The following TARBP1 variants were observed in gnomAD, a reference collection of about 807,000 sequenced individuals.
TARBP1 encodes the protein tRNA guanosine 2 -O-methyltransferase TARBP1.
A neutral mutation model predicts 178.6 loss-of-function variants in TARBP1; 144 were observed. That is an observed-to-expected ratio of 0.81 (90% CI 0.70 to 0.93). TARBP1 has a LOEUF of 0.93. Ranked by LOEUF, TARBP1 falls within the 40% of genes least tolerant of loss-of-function variation. The probability of loss-of-function intolerance (pLI) is 0.00; values close to 1 mark genes in which losing one functional copy is unlikely to be tolerated. For synonymous variants in TARBP1, 787 were observed against 781.0 expected (o/e 1.01, Z -0.13); for missense variants, 2,067 against 2,011.7 (o/e 1.03, Z -0.53).
rs778918155 is a variant in TARBP1 at position 234,460,302 on chromosome 1, T to C, written c.1494A>G (p.Pro498=). 10 of 1,614,088 alleles carry C rather than the reference T, an allele frequency of 6.2e-6. No individual in the cohort carries two copies. The highest frequency in any genetic ancestry group is 7.6e-6 in the Non-Finnish European group (9 of 1,180,044). Reference sequence around the variant, plus strand: ...CATCTATACCCAGGGCCTTATGTCTTGGGACATTTGCCAAAGCCTTAGATA... The same window carrying C: ...CATCTATACCCAGGGCCTTATGTCTCGGGACATTTGCCAAAGCCTTAGATA... The part of the protein sequence containing the change: ...LFLSKALANV[P]RHKALGIDGL... Residue 498 remains proline, a synonymous_variant, in exon 7 of 30, where the codon CCA becomes CCG. Transcript: ENST00000040877.
intron 21 of TARBP1, 79 bp downstream of exon 21, chr1:234,420,623 G>T: frequency 1.2e-6 from 1 of 845,616 alleles, no homozygotes; most frequent in Non-Finnish European, 1.8e-6. Context: ...TTTTAAAATA[G>T]TATATGATAG....
chr1:234,451,905 C>T (rs1306802536), intron 9 of TARBP1, among the ~76,000 whole-genome samples: 1 of 152,072 alleles, frequency 6.6e-6, no homozygotes, highest in African/African-American at 2.4e-5. Context: ...ATATTATTGT[C>T]TAACAGTGAG....
Position 234,398,541 on chromosome 1 carries a change from T to C in TARBP1, c.4084A>G (p.Ile1362Val), listed in dbSNP as rs754962339. The change falls in exon 26 of 30, where the codon ATC becomes GTC. Residue 1362 changes from isoleucine (I) to valine (V), a missense_variant. Ile to Val is a conservative substitution (Grantham distance 29). Coordinates refer to ENST00000040877, the MANE Select transcript of TARBP1 (RefSeq NM_005646.4). The part of the protein sequence containing the change: ...KDYCLETIFY[I>V]LPRLSGLIED... ...ATAAGGCCTGAAAGGCGTGGAAGGA[T>C]GTAAAATATGGTCTGAAAAGAGAAT... 6.3e-7 allele frequency: 1 copy of C among 1,581,998 alleles called. No individual in the cohort carries two copies. Among genetic ancestry groups the C allele is most frequent in the Admixed American group, 1.7e-5 (1 of 58,170 alleles).
Position 234,429,162 on chromosome 1 carries a change from C to T in TARBP1, c.3034G>A (p.Gly1012Ser), listed in dbSNP as rs1664116557. 4 of 1,584,206 alleles carry T rather than the reference C, an allele frequency of 2.5e-6. No homozygotes were observed. The highest frequency in any genetic ancestry group is 2.0e-5 in the Admixed American group (1 of 49,992). The part of the protein sequence containing the change: ...KVLTIAAKIK[G>S]QAYFKIKEIM... ...TCTTTTATTTTGAAATATGCCTGGC[C>T]CTTGATTTTGGCAGCAATGGTAAGA... is the stretch of plus-strand genomic sequence containing the variant. Residue 1012 changes from glycine to serine, a missense_variant, in exon 17 of 30, where the codon GGC becomes AGC. By Grantham distance (56) the Gly-to-Ser change is moderately conservative. Transcript: ENST00000040877.
At chr1:234,425,833 A>G in intron 19 of TARBP1, 40 bp from the exon 20 acceptor site, 1 of 1,429,888 alleles carries the variant, frequency 7.0e-7, no homozygotes, top group Non-Finnish European at 9.5e-7. Flanking sequence ...ATACATTTTG[A>G]AAACAGAAAA....
intron 6 of TARBP1, among the ~76,000 whole-genome samples, chr1:234,461,872 T>C (rs1026370484): frequency 1.3e-5 from 2 of 152,222 alleles, no homozygotes; most frequent in Non-Finnish European, 2.9e-5. Context: ...TTAGTGAAAA[T>C]GTCTGTTTTC....
intron 17 of TARBP1, among the ~76,000 whole-genome samples, chr1:234,428,130 T>C (rs2103121384): frequency 6.6e-6 from 1 of 152,184 alleles, no homozygotes; most frequent in South Asian, 2.1e-4. Context: ...CGTCTCTAAC[T>C]ATGTACTGTG....
At position 234,478,937 on chromosome 1, in the gene TARBP1, G is replaced by T; in HGVS notation, c.167C>A (p.Ala56Glu). 1 of 1,441,378 alleles carries T rather than the reference G, an allele frequency of 6.9e-7. No individual in the cohort carries two copies. The highest frequency in any genetic ancestry group is 1.4e-5 in the South Asian group (1 of 72,842). 89.3% of individuals were successfully genotyped at this position (1,441,378 alleles called of 1,614,324 possible). The stretch of plus-strand genomic sequence containing the variant: ...CACCTCGCGCGCCGCCTCCGGGAGC[G>T]CGCCTGCGCCCCCGCTGCCGCGCGC... ...EEARGSGGAG[A>E]LPEAAREVAA... Residue 56 changes from alanine to glutamate, a missense_variant, in exon 1 of 30, where the codon GCG becomes GAG. Physicochemically the swap from Ala to Glu is moderately radical, Grantham distance 107. Transcript: ENST00000040877.
intron 6 of TARBP1, among the ~76,000 whole-genome samples, chr1:234,461,986 A>C (rs987793135): frequency 2.0e-5 from 3 of 152,248 alleles, no homozygotes; most frequent in African/African-American, 7.2e-5. Context: ...AGACATTCAG[A>C]ACACCCAGAA....
intron 24 of TARBP1, among the ~76,000 whole-genome samples, chr1:234,402,796 G>A (rs971833186): frequency 6.6e-6 from 1 of 152,002 alleles, no homozygotes; most frequent in Non-Finnish European, 1.5e-5. Context: ...ATGTTGCCCA[G>A]GCTGATCTTG....
chr1:234,473,303 G>C lies in TARBP1; in HGVS notation c.932-492C>G, dbSNP rs76718732. Among the ~76,000 whole-genome samples the C allele has an allele frequency of 5.9e-5, 9 of 152,348 alleles. No homozygotes were observed. The East Asian group carries it at 1.3e-3, about 23-fold the overall frequency. On this transcript the variant is annotated intron_variant, in intron 1 of 29. Transcript: ENST00000040877. ...CAAAAGTTACTCTGGTAAGTGGAGT[G>C]AAAAGTGAGGCTAAACCAAAGAGGA...
At position 234,391,672 on chromosome 1, in the gene TARBP1, T is replaced by A. The variant is rs1192998452; in HGVS notation, c.4771A>T (p.Ile1591Phe). ...ACATGGACATTCAGGGAGCGGATAA[T>A]GCCCTGTTGAGGAATTTCCACACAA... ...DVCVEIPQQG[I>F]IRSLNVHVSG... The change falls in exon 30 of 30, where the codon ATT becomes TTT. Residue 1591 changes from isoleucine to phenylalanine, a missense_variant. Ile to Phe is a conservative substitution (Grantham distance 21). Transcript: ENST00000040877. 1 of 1,613,826 alleles carries A rather than the reference T, an allele frequency of 6.2e-7. No homozygotes were observed. Among genetic ancestry groups the A allele is most frequent in the Non-Finnish European group, 8.5e-7 (1 of 1,180,014 alleles).
At chr1:234,466,167 T>C (rs1668411362) in intron 4 of TARBP1, among the ~76,000 whole-genome samples, 1 of 152,188 alleles carries the variant, frequency 6.6e-6, no homozygotes, top group Admixed American at 6.5e-5. Flanking sequence ...TAATAGAATG[T>C]AGAAACATGA....
At chr1:234,451,766 A>AAAAACAAAAAAAC (rs57636903) in intron 9 of TARBP1, among the ~76,000 whole-genome samples, 1 of 17,176 alleles carries the variant, frequency 5.8e-5, no homozygotes, top group South Asian at 6.4e-3. Flanking sequence ...AAAAAAAAAA[A>AAAAACAAAAAAAC]TGATGAATGA....
rs188382690 is a variant in TARBP1 at position 234,463,768 on chromosome 1, C to A, written c.1399+69G>T. 117 of 845,248 alleles carry A rather than the reference C, an allele frequency of 1.4e-4. No individual in the cohort carries two copies. In the African/African-American group the frequency reaches 1.8e-3, roughly 13 times the overall value. The allele number at this position is 845,248 out of a possible 1,614,324, so 52.4% of individuals were successfully genotyped here. ...TTATAATAGTTGATGGTGCTTATAA[C>A]CAATTTGCTAAAAAAAAAAGAAACT... On this transcript the variant is annotated intron_variant, in intron 6 of 29. Transcript: ENST00000040877.
At position 234,433,659 on chromosome 1, in the gene TARBP1, T is replaced by TA. The variant is rs1327801307; in HGVS notation, c.2233-89dup. 30 of 1,274,852 alleles carry TA rather than the reference T, an allele frequency of 2.4e-5. No individual in the cohort carries two copies. In the South Asian group the frequency reaches 3.4e-4, roughly 15 times the overall value. 79.0% of individuals were successfully genotyped at this position (1,274,852 alleles called of 1,614,324 possible). On this transcript the variant is annotated intron_variant, in intron 13 of 29. Coordinates refer to ENST00000040877, the MANE Select transcript of TARBP1 (RefSeq NM_005646.4). ...AGCCTTCAGGCAGGAGAAGTTTACTTAAAGGACCACAACAAGACACTGATG... is the reference window on the plus strand; with the variant it reads ...AGCCTTCAGGCAGGAGAAGTTTACTTAAAAGGACCACAACAAGACACTGATG...
chr1:234,477,183 A>AAAAC (rs144297836), intron 1 of TARBP1, among the ~76,000 whole-genome samples: 13,738 of 151,982 alleles, frequency 0.09, 858 homozygotes, highest in African/African-American at 0.18. Context: ...GAAACTCCAT[A>AAAAC]AAACAAACAA....
In TARBP1 at chr1:234,459,080, T is replaced by TATGTATTATTTTATTACAAGCAC. The variant is rs1667578772; in HGVS notation, c.1632+127_1632+149dup. Reference sequence around the variant, plus strand: ...AGCCAAGGACTATTTAGAGAGATCATATGTATTATTTTATTACAAGCACAT... The same window carrying TATGTATTATTTTATTACAAGCAC: ...AGCCAAGGACTATTTAGAGAGATCATATGTATTATTTTATTACAAGCACATGTATTATTTTATTACAAGCACAT... On this transcript the variant is annotated intron_variant, in intron 8 of 29. Coordinates refer to ENST00000040877, the MANE Select transcript of TARBP1 (RefSeq NM_005646.4). The TATGTATTATTTTATTACAAGCAC allele has an allele frequency of 6.7e-6, 4 of 596,504 alleles. No individual in the cohort carries two copies. In the South Asian group the frequency reaches 6.7e-5, roughly 10 times the overall value. 37.0% of individuals were successfully genotyped at this position (596,504 alleles called of 1,614,324 possible).
At chr1:234,447,323 C>A (rs1666277892) in intron 11 of TARBP1, among the ~76,000 whole-genome samples, 1 of 92,496 alleles carries the variant, frequency 1.1e-5, no homozygotes, top group African/African-American at 4.5e-5. Flanking sequence ...AGTCAAGGAA[C>A]TAGAACATGT....
Sources: gnomAD v4.1 joint callset for allele counts (sites outside exome capture counted in the v4.1 genomes callset) on GRCh38, gnomAD v4.1.1 for gene constraint, MANE v1.5 for transcripts, NCBI Gene and HGNC (gene_info 2026-07-23, HGNC 2026-07-21) for gene names.